PDE9A: variants seen among roughly 807,000 people sequenced by gnomAD.
PDE9A encodes the protein phosphodiesterase 9A.
Under a neutral mutation model 87.4 loss-of-function variants are expected in PDE9A, and 60 were observed. The ratio of observed to expected loss-of-function variants is 0.69; its 90% CI spans 0.56 to 0.85. The LOEUF (loss-of-function observed/expected upper bound fraction) is 0.85. PDE9A is among the 40% of genes least tolerant of loss of function. The pLI, the probability that PDE9A is intolerant of heterozygous loss-of-function variation, is 0.00. For synonymous variants in PDE9A, 272 were observed against 279.4 expected (o/e 0.97, Z 0.27); for missense variants, 665 against 779.0 (o/e 0.85, Z 1.74).
chr21:42,711,258 G>GTTT (rs35475222), intron 4 of PDE9A, among the ~76,000 whole-genome samples: 6 of 136,498 alleles, frequency 4.4e-5, no homozygotes, highest in East Asian at 2.1e-4. Context: ...AATAAGTTTT[G>GTTT]TTTTTTTTTT....
At chr21:42,768,934 G>C (rs1261572323) in intron 16 of PDE9A, 93 bp from the exon 17 acceptor site, 1 of 1,513,416 alleles carries the variant, frequency 6.6e-7, no homozygotes, top group Non-Finnish European at 8.9e-7. Flanking sequence ...TTGGTTGGTG[G>C]TTAACTGGCG....
At chr21:42,721,877 C>T (rs556079587) in intron 4 of PDE9A, among the ~76,000 whole-genome samples, 112 of 152,230 alleles carry the variant, frequency 7.4e-4, no homozygotes, top group South Asian at 1.7e-3. Context: ...GAGTGCTTAT[C>T]TCTTTGGGGG....
intron 10 of PDE9A, among the ~76,000 whole-genome samples, chr21:42,756,292 A>C (rs984184122): frequency 4.6e-5 from 7 of 152,138 alleles, no homozygotes; most frequent in Non-Finnish European, 1.0e-4. Context: ...GGAATTTTGG[A>C]GTGTGAGTGG....
chr21:42,687,885 G>A (rs776652800), intron 2 of PDE9A, 32 bp from the exon 3 acceptor site: 209 of 1,598,926 alleles, frequency 1.3e-4, no homozygotes, highest in Non-Finnish European at 1.8e-4. Context: ...GCACACTATG[G>A]GCGAAAACAC....
chr21:42,763,329 AGT>A lies in PDE9A; in HGVS notation c.1242+1094_1242+1095del, dbSNP rs367559573. Among the ~76,000 whole-genome samples the A allele has an allele frequency of 3.7e-3, 560 of 152,356 alleles. 5 individuals are homozygous for A. Among genetic ancestry groups the A allele is most frequent in the African/African-American group, 0.013 (520 of 41,584 alleles). ...CTTGTTAAGATTTCCAGATAAGATC[AGT>A]GTGGATTGTCTAAGGGGGCCGTAAA... On this transcript the variant is annotated intron_variant, in intron 14 of 19. Coordinates refer to ENST00000291539, the MANE Select transcript of PDE9A (RefSeq NM_002606.3).
At chr21:42,768,439 C>A in intron 16 of PDE9A, 147 bp downstream of exon 16, 1 of 1,049,278 alleles carries the variant, frequency 9.5e-7, no homozygotes, top group Non-Finnish European at 1.3e-6. Context: ...TCAGGGTAAG[C>A]GTACATCAGA....
chr21:42,713,927 G>A (rs2049580311), intron 4 of PDE9A, among the ~76,000 whole-genome samples: 1 of 143,578 alleles, frequency 7.0e-6, no homozygotes, highest in South Asian at 2.2e-4. Context: ...TTGAGGTGGA[G>A]TCTCGCTTTG....
rs778038323 is a variant in PDE9A, at chr21:42,760,340, G to A, written c.910G>A (p.Asp304Asn). The A allele has an allele frequency of 8.7e-6, 14 of 1,605,750 alleles. No individual in the cohort carries two copies. Among genetic ancestry groups the A allele is most frequent in the East Asian group, 6.7e-5 (3 of 44,866 alleles). ...TLRRWLFCVHDNYRNNPFHNF... is the reference protein window; with the variant it reads ...TLRRWLFCVHNNYRNNPFHNF... ...CTGCCTCCCGCAGTTCTGCGTCCAC[G>A]ACAACTACAGAAACAACCCCTTCCA... Residue 304 changes from aspartate (D) to asparagine (N), a missense_variant, in exon 12 of 20, where the codon GAC becomes AAC. Transcript: ENST00000291539. This position sits in a 1 kb window ranked among gnomAD's most constrained non-coding sequence, Gnocchi z 5.2.
At chr21:42,745,865 G>T (rs570591148) in intron 8 of PDE9A, among the ~76,000 whole-genome samples, 40 of 152,198 alleles carry the variant, frequency 2.6e-4, no homozygotes, top group Non-Finnish European at 4.1e-4. Flanking sequence ...CTAGTCTTCA[G>T]CCTGAAACCA....
chr21:42,700,414 C>T (rs921996625), intron 4 of PDE9A, among the ~76,000 whole-genome samples: 3 of 152,194 alleles, frequency 2.0e-5, no homozygotes, highest in Admixed American at 6.5e-5. Flanking sequence ...CTTTTTTATA[C>T]AGTTAAACAT....
In PDE9A at chr21:42,711,353, T is replaced by C. The variant is rs192909965; in HGVS notation, c.262+12342T>C. Reference sequence around the variant, plus strand: ...GCAACCTCCGCCTCCCGGGTTCAAGTGATTCTCCTGCCTCAGGCTCCCGAG... The same window carrying C: ...GCAACCTCCGCCTCCCGGGTTCAAGCGATTCTCCTGCCTCAGGCTCCCGAG... On this transcript the variant is annotated intron_variant, in intron 4 of 19. Transcript: ENST00000291539. 5.6e-3 allele frequency among the ~76,000 whole-genome samples: 843 copies of C among 151,766 alleles called. 4 individuals are homozygous for C. Among genetic ancestry groups the C allele is most frequent in the African/African-American group, 0.019 (779 of 41,402 alleles).
In PDE9A at chr21:42,694,001, A is replaced by G. The variant is rs2060012196; in HGVS notation, c.219-4967A>G. Among the ~76,000 whole-genome samples, 1 of 152,098 alleles carries G rather than the reference A, an allele frequency of 6.6e-6. No individual in the cohort carries two copies. The highest frequency in any genetic ancestry group is 2.1e-4 in the South Asian group (1 of 4,818). ...AGCTCTGCAAGTGATTCCAGCACAC[A>G]GTCTGGGGACTAACCGCTGATATAA... On this transcript the variant is annotated intron_variant, in intron 3 of 19. Coordinates refer to ENST00000291539, the MANE Select transcript of PDE9A (RefSeq NM_002606.3). The surrounding 1 kb of genome is among the most constrained non-coding windows in gnomAD (Gnocchi z 5.3).
Position 42,718,058 on chromosome 21 carries a change from G to A in PDE9A, c.263-13712G>A, listed in dbSNP as rs150955280. On this transcript the variant is annotated intron_variant, in intron 4 of 19. Coordinates refer to ENST00000291539, the MANE Select transcript of PDE9A (RefSeq NM_002606.3). ...CAAGTAGCTGGGATTGCAGGTGCCC[G>A]CCACCACGCCCAACTAATTTTTAGT... 3.2e-3 allele frequency among the ~76,000 whole-genome samples: 480 copies of A among 151,108 alleles called. 2 individuals carry two copies. Among genetic ancestry groups the A allele is most frequent in the African/African-American group, 0.011 (450 of 41,308 alleles).
intron 4 of PDE9A, among the ~76,000 whole-genome samples, chr21:42,720,003 C>T (rs2050335540): frequency 6.6e-6 from 1 of 152,156 alleles, no homozygotes; most frequent in South Asian, 2.1e-4. Flanking sequence ...GCCTCAGACA[C>T]GATGAGCCAG....
intron 4 of PDE9A, among the ~76,000 whole-genome samples, chr21:42,721,741 C>T (rs1033682648): frequency 6.6e-6 from 1 of 152,006 alleles, no homozygotes; most frequent in Non-Finnish European, 1.5e-5. Context: ...GCCACCCCAC[C>T]CCTCGCTGAC....
chr21:42,712,176 T>TC (rs2049408261), intron 4 of PDE9A, among the ~76,000 whole-genome samples: 1 of 152,166 alleles, frequency 6.6e-6, no homozygotes, highest in Non-Finnish European at 1.5e-5. Flanking sequence ...ACATGATACA[T>TC]CCCTCCACTT....
chr21:42,751,258 C>A, intron 9 of PDE9A, 61 bp downstream of exon 9: 1 of 1,211,922 alleles, frequency 8.3e-7, no homozygotes, highest in Non-Finnish European at 1.2e-6. Context: ...ACGCCCAGCC[C>A]TGTGGCCCTG....
intron 1 of PDE9A, among the ~76,000 whole-genome samples, chr21:42,670,666 CATACACAT>C (rs2058493987): frequency 6.8e-6 from 1 of 147,264 alleles, no homozygotes; most frequent in South Asian, 2.1e-4. Flanking sequence ...CACATACACA[CATACACAT>C]GCATTCACAC....
At chr21:42,682,980 C>T (rs896449689) in intron 1 of PDE9A, among the ~76,000 whole-genome samples, 2 of 152,172 alleles carry the variant, frequency 1.3e-5, no homozygotes, top group African/African-American at 4.8e-5. Flanking sequence ...TGGTGAAAAT[C>T]AGATATCACT....
Sources: allele counts gnomAD v4.1 joint callset (sites outside exome capture counted in the v4.1 genomes callset), GRCh38; gene constraint gnomAD v4.1.1; non-coding constraint Gnocchi (gnomAD v3.1); transcripts MANE v1.5; gene names NCBI Gene and HGNC (gene_info 2026-07-23, HGNC 2026-07-21).